HMX1: variants seen among roughly 807,000 people sequenced by gnomAD.
HMX1 encodes H6 family homeobox 1, also known as homeobox protein HMX1.
In HMX1, 8 loss-of-function variants were observed where a neutral mutation model predicts 8.9. The ratio of observed to expected loss-of-function variants is 0.90; its 90% CI spans 0.53 to 1.63. The LOEUF is 1.63. Among genes scored for constraint, HMX1 ranks in the 40% most tolerant of loss-of-function variants. The pLI is 0.00. For synonymous variants in HMX1, 311 were observed against 283.4 expected (o/e 1.10, Z -0.98); for missense variants, 621 against 558.5 (o/e 1.11, Z -1.13).
chr4:8,866,638 T>C (rs1392711351), downstream of HMX1, among the ~76,000 whole-genome samples: 4 of 152,148 alleles, frequency 2.6e-5, no homozygotes, highest in Non-Finnish European at 4.4e-5. Context: ...TGACCTTGAG[T>C]GCCACGGCTT....
At chr4:8,869,083 A>T (rs146919018) in intron 1 of HMX1, among the ~76,000 whole-genome samples, 3,911 of 152,256 alleles carry the variant, frequency 0.026, 184 homozygotes, top group African/African-American at 0.09. Flanking sequence ...GGCACATGCC[A>T]CTCTAAGCAA....
At chr4:8,866,303 C>T (rs1435978116), downstream of HMX1, among the ~76,000 whole-genome samples, 1 of 152,266 alleles carries the variant, frequency 6.6e-6, no homozygotes, top group Admixed American at 6.5e-5. Flanking sequence ...CGGGGAGCGT[C>T]TACACCCAAG....
Position 8,867,484 on chromosome 4 carries a change from G to C in HMX1, c.*209C>G, listed in dbSNP as rs576959286. The C allele has an allele frequency of 2.9e-5, 34 of 1,162,854 alleles. No homozygotes were observed. The East Asian group carries it at 1.2e-3, about 41-fold the overall frequency. 72.0% of individuals were successfully genotyped at this position (1,162,854 alleles called of 1,614,324 possible). On this transcript the variant is annotated 3_prime_UTR_variant, in exon 2 of 2. Coordinates refer to ENST00000400677, the MANE Select transcript of HMX1 (RefSeq NM_018942.3). ...CCTGTTCGAGTGGGGATCCAGCCTG[G>C]CAAATGGGTGGGGCGTCCCATTACA...
Position 8,867,726 on chromosome 4 carries a change from G to T in HMX1, c.1014C>A (p.Pro338=). 7.8e-7 allele frequency: 1 copy of T among 1,286,892 alleles called. No individual in the cohort carries two copies. Among genetic ancestry groups the T allele is most frequent in the Non-Finnish European group, 9.8e-7 (1 of 1,020,304 alleles). The allele number at this position is 1,286,892 out of a possible 1,614,324, so 79.7% of individuals were successfully genotyped here. The part of the protein sequence containing the change: ...LAAFPAAASV[P]FLRAQMPGLV ...GGCCAGGCATCTGCGCCCGCAGAAAGGGCACGGAGGCGGCGGCCGGGAAGG... is the reference window on the plus strand; with the variant it reads ...GGCCAGGCATCTGCGCCCGCAGAAATGGCACGGAGGCGGCGGCCGGGAAGG... The change falls in exon 2 of 2, where the codon CCC becomes CCA. Residue 338 remains proline, a synonymous_variant. Transcript: ENST00000400677.
chr4:8,863,549 G>A (rs1721899566), downstream of HMX1, among the ~76,000 whole-genome samples: 1 of 152,260 alleles, frequency 6.6e-6, no homozygotes, highest in Admixed American at 6.5e-5. Flanking sequence ...TCTTCTCAGG[G>A]TGCTCCCGCC....
downstream of HMX1, among the ~76,000 whole-genome samples, chr4:8,864,185 A>G (rs958653352): frequency 6.6e-6 from 1 of 152,220 alleles, no homozygotes; most frequent in Non-Finnish European, 1.5e-5. Context: ...GAGGCCCAGC[A>G]TTTACAAATT....
intron 1 of HMX1, among the ~76,000 whole-genome samples, chr4:8,850,671 G>T (rs8143174): frequency 0.18 from 27,456 of 152,162 alleles, 3,749 homozygotes; most frequent in African/African-American, 0.39. Flanking sequence ...CTTCAGTTCA[G>T]AATATTCTTC....
chr4:8,859,481 G>A (rs1721724427), intron 1 of HMX1, among the ~76,000 whole-genome samples: 1 of 152,126 alleles, frequency 6.6e-6, no homozygotes, highest in African/African-American at 2.4e-5. Context: ...GGTGCAGCCT[G>A]GGGGCACAAG....
downstream of HMX1, among the ~76,000 whole-genome samples, chr4:8,864,151 CTG>C (rs562665884): frequency 6.6e-6 from 1 of 152,330 alleles, no homozygotes; most frequent in South Asian, 2.1e-4. Flanking sequence ...GAGGGATGTC[CTG>C]TTGGCCTCAC....
At chr4:8,846,213 T>A in exon 2 of HMX1, 1 of 1,506,466 alleles carries the variant, frequency 6.6e-7, no homozygotes, top group Non-Finnish European at 8.9e-7. Flanking sequence ...CCCTGCGGCC[T>A]CCTCCGCCAT....
At position 8,869,652 on chromosome 4, in the gene HMX1, C is replaced by A. The variant is rs143598652; in HGVS notation, c.395-1307G>T. 9.9e-3 allele frequency among the ~76,000 whole-genome samples: 1,510 copies of A among 152,304 alleles called. 31 individuals are homozygous for A. Among genetic ancestry groups the A allele is most frequent in the African/African-American group, 0.035 (1,441 of 41,562 alleles). On this transcript the variant is annotated intron_variant, in intron 1 of 1. Coordinates refer to ENST00000400677, the MANE Select transcript of HMX1 (RefSeq NM_018942.3). The stretch of plus-strand genomic sequence containing the variant: ...ATGGTGTGTGCCCTCACAGCACCCA[C>A]AGGGGAGTCAGGCAGCAGGTTGTGG...
Position 8,868,480 on chromosome 4 carries a change from C to T in HMX1, c.395-135G>A, listed in dbSNP as rs965026465. ...GACCTTCCAGCACAGGGCTGGGCAC[C>T]CAGCAGCTCTGGGGATGCACACATT... On this transcript the variant is annotated intron_variant, in intron 1 of 1. Transcript: ENST00000400677. This position sits in a 1 kb window ranked among gnomAD's most constrained non-coding sequence, Gnocchi z 4.6. The T allele has an allele frequency of 1.6e-5, 11 of 676,516 alleles. No individual in the cohort carries two copies. Among genetic ancestry groups the T allele is most frequent in the African/African-American group, 1.5e-4 (8 of 52,642 alleles). The allele number at this position is 676,516 out of a possible 1,614,324, so 41.9% of individuals were successfully genotyped here.
intron 1 of HMX1, among the ~76,000 whole-genome samples, chr4:8,856,239 T>C (rs1046918343): frequency 2.0e-5 from 3 of 152,092 alleles, no homozygotes. Flanking sequence ...TAGATTCCTT[T>C]TAAAAAAGAA....
In HMX1 at chr4:8,868,320, C is replaced by G; in HGVS notation, c.420G>C (p.Thr140=). The G allele has an allele frequency of 1.4e-6, 2 of 1,425,754 alleles. No individual in the cohort carries two copies. Among genetic ancestry groups the G allele is most frequent in the Non-Finnish European group, 9.1e-7 (1 of 1,096,730 alleles). The allele number at this position is 1,425,754 out of a possible 1,614,324, so 88.3% of individuals were successfully genotyped here. A position where few individuals can be genotyped will look rare whatever the true frequency, so the allele number is the denominator to read the frequency against. Reference sequence around the variant, plus strand: ...CCTCCGCACGGCCCATCTCCTCGCCCGTCTCCGGTGAGTCCCGGTCGCTGG... The same window carrying G: ...CCTCCGCACGGCCCATCTCCTCGCCGGTCTCCGGTGAGTCCCGGTCGCTGG... The part of the protein sequence containing the change: ...PDTSDRDSPE[T]GEEMGRAEGA... The change falls in exon 2 of 2, where the codon ACG becomes ACC. Residue 140 remains threonine, a synonymous_variant. Transcript: ENST00000400677. This position sits in a 1 kb window ranked among gnomAD's most constrained non-coding sequence, Gnocchi z 4.6.
chr4:8,871,652 G>T lies in HMX1; in HGVS notation c.-38C>A. Reference sequence around the variant, plus strand: ...CTTCTCGGGCTCGGCCGGGCTCCTCGGTCCCCGCTGGGGATGGTGGCGCGC... The same window carrying T: ...CTTCTCGGGCTCGGCCGGGCTCCTCTGTCCCCGCTGGGGATGGTGGCGCGC... On this transcript the variant is annotated 5_prime_UTR_variant, in exon 1 of 2. Coordinates refer to ENST00000400677, the MANE Select transcript of HMX1 (RefSeq NM_018942.3). This position sits in a 1 kb window ranked among gnomAD's most constrained non-coding sequence, Gnocchi z 4.8. 1 of 1,207,360 alleles carries T rather than the reference G, an allele frequency of 8.3e-7. No individual in the cohort carries two copies. The highest frequency in any genetic ancestry group is 1.0e-6 in the Non-Finnish European group (1 of 973,194). 74.8% of individuals were successfully genotyped at this position (1,207,360 alleles called of 1,614,324 possible). A position where few individuals can be genotyped will look rare whatever the true frequency, so the allele number is the denominator to read the frequency against.
chr4:8,850,822 C>T (rs368291798), intron 1 of HMX1, among the ~76,000 whole-genome samples: 1 of 152,256 alleles, frequency 6.6e-6, no homozygotes, highest in East Asian at 1.9e-4. Flanking sequence ...TCCTGCTGGA[C>T]CCAGGCTCCT....
intron 1 of HMX1, among the ~76,000 whole-genome samples, chr4:8,851,231 T>G (rs1308208068): frequency 6.6e-6 from 1 of 151,948 alleles, no homozygotes; most frequent in Admixed American, 6.6e-5. Context: ...CTGAAGAGGG[T>G]TCGGGTCTTC....
chr4:8,867,731 C>CGGAGGCGGCGGCCGG lies in HMX1; in HGVS notation c.994_1008dup (p.Pro332_Ser336dup), dbSNP rs1577200305. ...GGCATCTGCGCCCGCAGAAAGGGCA[C>CGGAGGCGGCGGCCGG]GGAGGCGGCGGCCGGGAAGGCGGCC... On this transcript the variant is annotated inframe_insertion, in exon 2 of 2. Transcript: ENST00000400677. 2 of 1,287,830 alleles carry CGGAGGCGGCGGCCGG rather than the reference C, an allele frequency of 1.6e-6. No individual in the cohort carries two copies. Among genetic ancestry groups the CGGAGGCGGCGGCCGG allele is most frequent in the Non-Finnish European group, 2.0e-6 (2 of 1,020,710 alleles). The allele number at this position is 1,287,830 out of a possible 1,614,324, so 79.8% of individuals were successfully genotyped here.
At chr4:8,852,433 T>C (rs985523115) in intron 1 of HMX1, among the ~76,000 whole-genome samples, 3 of 152,166 alleles carry the variant, frequency 2.0e-5, no homozygotes, top group African/African-American at 7.2e-5. Context: ...GTCGGAAGCC[T>C]TGGACAAAGC....
Sources: allele counts gnomAD v4.1 joint callset (sites outside exome capture counted in the v4.1 genomes callset), GRCh38; gene constraint gnomAD v4.1.1; non-coding constraint Gnocchi (gnomAD v3.1); transcripts MANE v1.5; gene names NCBI Gene and HGNC (gene_info 2026-07-23, HGNC 2026-07-21).